SCEL: variants seen among roughly 807,000 people sequenced by gnomAD.
SCEL encodes sciellin.
In SCEL, 113 loss-of-function variants were observed where a neutral mutation model predicts 117.6. That is an observed-to-expected ratio of 0.96 (90% CI 0.83 to 1.12). The LOEUF (loss-of-function observed/expected upper bound fraction) is 1.12. Ranked by LOEUF, SCEL falls within the 50% of genes most tolerant of loss-of-function variation. The pLI, the probability that SCEL is intolerant of heterozygous loss-of-function variation, is 0.00. For missense variants in SCEL, 785 were observed against 810.8 expected (o/e 0.97, Z 0.39); for synonymous variants, 270 against 256.2 (o/e 1.05, Z -0.51).
intron 9 of SCEL, among the ~76,000 whole-genome samples, chr13:77,587,691 C>T (rs1051824035): frequency 2.6e-5 from 4 of 152,138 alleles, no homozygotes; most frequent in African/African-American, 7.2e-5. Context: ...AAACTTTTCT[C>T]GCTTGGCTTC....
At chr13:77,617,725 A>G (rs1277975713) in intron 25 of SCEL, 67 bp downstream of exon 25, 8 of 1,467,774 alleles carry the variant, frequency 5.5e-6, no homozygotes, top group African/African-American at 1.4e-5. Flanking sequence ...TATTACTTCA[A>G]GCAGATTTAT....
chr13:77,591,456 A>G lies in SCEL; in HGVS notation c.688A>G (p.Ile230Val), dbSNP rs962493363. The part of the protein sequence containing the change: ...TETNRSAERN[I>V]RSQDLDNIVK... ...AACCAACAGATCTGCTGAAAGAAAT[A>G]TAAGGTACACTGATTTCTATTTATA... is the stretch of plus-strand genomic sequence containing the variant. Residue 230 changes from isoleucine to valine, a missense_variant, in exon 11 of 33, where the codon ATA becomes GTA. By Grantham distance (29) the Ile-to-Val change is conservative. Transcript: ENST00000349847. 2 of 1,533,396 alleles carry G rather than the reference A, an allele frequency of 1.3e-6. No homozygotes were observed. The highest frequency in any genetic ancestry group is 1.7e-4 in the Middle Eastern group (1 of 5,816). 95.0% of individuals were successfully genotyped at this position (1,533,396 alleles called of 1,614,324 possible).
intron 4 of SCEL, 118 bp downstream of exon 4, chr13:77,559,981 G>C (rs538231235): frequency 1.2e-6 from 1 of 852,876 alleles, no homozygotes; most frequent in East Asian, 2.5e-5. Flanking sequence ...CCGATGTTCT[G>C]GGCATGTGAA....
At chr13:77,588,746 C>A (rs1345245782) in intron 9 of SCEL, among the ~76,000 whole-genome samples, 3 of 152,086 alleles carry the variant, frequency 2.0e-5, no homozygotes, top group Non-Finnish European at 4.4e-5. Flanking sequence ...TCCATAGCAG[C>A]CTGATAGTTG....
At chr13:77,603,244 A>G in intron 18 of SCEL, 109 bp downstream of exon 18, 1 of 574,180 alleles carries the variant, frequency 1.7e-6, no homozygotes, top group East Asian at 3.0e-5. Flanking sequence ...ATGGAATTAG[A>G]CAATAAAGAT....
Position 77,588,135 on chromosome 13 carries a change from T to G in SCEL, c.546-1009T>G, listed in dbSNP as rs574923777. Among the ~76,000 whole-genome samples the G allele has an allele frequency of 1.7e-3, 258 of 152,294 alleles. 1 individual carries two copies. Among genetic ancestry groups the G allele is most frequent in the Non-Finnish European group, 2.8e-3 (189 of 68,020 alleles). On this transcript the variant is annotated intron_variant, in intron 9 of 32. Transcript: ENST00000349847. ...TATATTTATTTGTATATTGAAAGCC[T>G]TTGAGAACAAGGACATTACCCAGCT... is the stretch of plus-strand genomic sequence containing the variant.
intron 9 of SCEL, among the ~76,000 whole-genome samples, chr13:77,580,118 T>C (rs1452404035): frequency 6.6e-6 from 1 of 152,212 alleles, no homozygotes; most frequent in Non-Finnish European, 1.5e-5. Flanking sequence ...GAATATCATG[T>C]TTCTATTTTA....
intron 15 of SCEL, among the ~76,000 whole-genome samples, chr13:77,600,343 G>T (rs1594079047): frequency 6.6e-6 from 1 of 151,956 alleles, no homozygotes; most frequent in East Asian, 1.9e-4. Context: ...TGGCCAGGCT[G>T]GTCTTGAACT....
chr13:77,622,858 G>A (rs1374199015), intron 27 of SCEL, among the ~76,000 whole-genome samples: 1 of 151,946 alleles, frequency 6.6e-6, no homozygotes, highest in African/African-American at 2.4e-5. Flanking sequence ...CTAGACCCCA[G>A]TCTCTAAAAA....
chr13:77,582,850 A>G (rs192889278), intron 9 of SCEL, among the ~76,000 whole-genome samples: 1 of 152,208 alleles, frequency 6.6e-6, no homozygotes, highest in East Asian at 1.9e-4. Flanking sequence ...TTGTAGTTTT[A>G]TGTTTGACAT....
chr13:77,559,726 C>CGCATGTCTCTCTCATTTAGT (rs2084866164), intron 3 of SCEL, 78 bp from the exon 4 acceptor site: 1 of 1,298,280 alleles, frequency 7.7e-7, no homozygotes, highest in Non-Finnish European at 1.1e-6. Flanking sequence ...GGAGCTCGCC[C>CGCATGTCTCTCTCATTTAGT]GCATGTCTCT....
intron 7 of SCEL, 105 bp from the exon 8 acceptor site, chr13:77,569,266 A>G: frequency 1.2e-6 from 1 of 826,920 alleles, no homozygotes; most frequent in Non-Finnish European, 1.9e-6. Context: ...CATTTTATGA[A>G]CAGAGAGCAG....
intron 1 of SCEL, among the ~76,000 whole-genome samples, chr13:77,545,403 C>G (rs2083932234): frequency 1.3e-5 from 2 of 152,110 alleles, no homozygotes; most frequent in South Asian, 4.1e-4. Flanking sequence ...AATTTGGCTG[C>G]ATTTTTTTTA....
intron 9 of SCEL, among the ~76,000 whole-genome samples, chr13:77,586,973 A>G (rs995078207): frequency 2.6e-5 from 4 of 152,088 alleles, no homozygotes; most frequent in East Asian, 3.9e-4. Flanking sequence ...CTGGCACATA[A>G]TGACCCCATA....
intron 11 of SCEL, among the ~76,000 whole-genome samples, chr13:77,593,168 G>A (rs943861608): frequency 2.0e-5 from 3 of 152,064 alleles, no homozygotes; most frequent in African/African-American, 7.3e-5. Flanking sequence ...TAGAACCTGG[G>A]AGCTGGCAAT....
intron 5 of SCEL, among the ~76,000 whole-genome samples, chr13:77,564,872 G>A (rs1429473944): frequency 6.6e-6 from 1 of 152,064 alleles, no homozygotes; most frequent in Non-Finnish European, 1.5e-5. Flanking sequence ...AATCAATGCT[G>A]GTATCCTAAA....
At chr13:77,554,760 G>A (rs951217080) in intron 1 of SCEL, among the ~76,000 whole-genome samples, 1 of 152,150 alleles carries the variant, frequency 6.6e-6, no homozygotes, top group Non-Finnish European at 1.5e-5. Flanking sequence ...GACGTTGAAC[G>A]TGATAAAGAT....
chr13:77,574,197 T>G (rs2154397966), intron 9 of SCEL, among the ~76,000 whole-genome samples: 1 of 152,354 alleles, frequency 6.6e-6, no homozygotes, highest in Admixed American at 6.5e-5. Flanking sequence ...ATTCATGAAT[T>G]AACATCTCAT....
chr13:77,642,078 ATT>A (rs978319845), intron 31 of SCEL, among the ~76,000 whole-genome samples: 4 of 152,194 alleles, frequency 2.6e-5, no homozygotes, highest in African/African-American at 9.6e-5. Context: ...CATTTATTAC[ATT>A]TTAGATCACT....
Sources: allele counts gnomAD v4.1 joint callset (sites outside exome capture counted in the v4.1 genomes callset), GRCh38; gene constraint gnomAD v4.1.1; transcripts MANE v1.5; gene names NCBI Gene and HGNC (gene_info 2026-07-23, HGNC 2026-07-21).